Variants in EIF3E observed in about 807,000 individuals in gnomAD.
The protein encoded by EIF3E is eIF-3 p48.
In EIF3E, 25 loss-of-function variants were observed where a neutral mutation model predicts 59.3. The observed-to-expected ratio is 0.42, with a 90% CI of 0.31 to 0.59. EIF3E has a LOEUF of 0.59. EIF3E is among the 20% of genes least tolerant of loss of function. The probability of loss-of-function intolerance (pLI) is 0.15; values close to 1 mark genes in which losing one functional copy is unlikely to be tolerated. For synonymous variants in EIF3E, 176 were observed against 170.2 expected (o/e 1.03, Z -0.26); for missense variants, 317 against 534.3 (o/e 0.59, Z 4.01).
chr8:108,230,028 C>G (rs1188202070), intron 5 of EIF3E, among the ~76,000 whole-genome samples: 2 of 152,070 alleles, frequency 1.3e-5, no homozygotes, highest in Non-Finnish European at 2.9e-5. Flanking sequence ...AACAAAGCAG[C>G]AGAAGTAGGT....
intron 5 of EIF3E, chr8:108,232,047 C>T (rs1231205738): frequency 6.6e-6 from 1 of 151,968 alleles, no homozygotes; most frequent in East Asian, 1.9e-4. Flanking sequence ...AAAAAGGCCA[C>T]TGCAAAAAAT....
intron 1 of EIF3E, among the ~76,000 whole-genome samples, chr8:108,245,226 C>T (rs750275864): frequency 6.6e-6 from 1 of 151,594 alleles, no homozygotes; most frequent in African/African-American, 2.4e-5. Context: ...CAGCACTTTG[C>T]GAGGCCAAGG....
At chr8:108,243,763 T>C (rs540676635) in intron 1 of EIF3E, among the ~76,000 whole-genome samples, 25 of 152,268 alleles carry the variant, frequency 1.6e-4, no homozygotes, top group Middle Eastern at 3.4e-3. Context: ...TACATTTATA[T>C]TTGTGTACTT....
At chr8:108,240,874 GGA>G (rs375806317) in intron 2 of EIF3E, among the ~76,000 whole-genome samples, 1 of 152,056 alleles carries the variant, frequency 6.6e-6, no homozygotes, top group African/African-American at 2.4e-5. Context: ...CAGCTACTCG[GGA>G]GGCTGAGGCA....
chr8:108,204,744 TATAGAGAG>T (rs1390287036), intron 10 of EIF3E, among the ~76,000 whole-genome samples: 1 of 102,708 alleles, frequency 9.7e-6, no homozygotes. Flanking sequence ...TATATATATA[TATAGAGAG>T]AGAGAGAGAG....
At chr8:108,223,642 A>G (rs2129882835) in intron 7 of EIF3E, among the ~76,000 whole-genome samples, 1 of 152,322 alleles carries the variant, frequency 6.6e-6, no homozygotes, top group East Asian at 1.9e-4. Context: ...TTACAAATGG[A>G]TTCTTTTTCC....
chr8:108,218,543 AT>A (rs1218594789), intron 7 of EIF3E, among the ~76,000 whole-genome samples: 1 of 152,232 alleles, frequency 6.6e-6, no homozygotes, highest in East Asian at 1.9e-4. Context: ...GAGGTGAAGT[AT>A]AAAAAGAATA....
intron 1 of EIF3E, chr8:108,242,285 C>G (rs2129926160): frequency 1.5e-6 from 2 of 1,291,026 alleles, no homozygotes; most frequent in East Asian, 5.5e-5. Flanking sequence ...TGTCACTTCT[C>G]CACATCCAGG....
At chr8:108,243,417 CAGG>C (rs1285798188) in intron 1 of EIF3E, 6 of 151,988 alleles carry the variant, frequency 3.9e-5, no homozygotes, top group Admixed American at 6.6e-5. Flanking sequence ...ATCACGAGGT[CAGG>C]AGATCGAGAC....
At chr8:108,228,689 A>G (rs1222415063) in intron 6 of EIF3E, among the ~76,000 whole-genome samples, 1 of 152,338 alleles carries the variant, frequency 6.6e-6, no homozygotes, top group Non-Finnish European at 1.5e-5. Flanking sequence ...TTTAAAAGCA[A>G]GAATTAAACT....
Position 108,235,014 on chromosome 8 carries a change from T to C in EIF3E, c.455A>G (p.Tyr152Cys), listed in dbSNP as rs1439041161. The C allele has an allele frequency of 1.4e-6, 2 of 1,469,390 alleles. No homozygotes were observed. Among genetic ancestry groups the C allele is most frequent in the African/African-American group, 1.6e-5 (1 of 63,448 alleles). The allele number at this position is 1,469,390 out of a possible 1,614,324, so 91.0% of individuals were successfully genotyped here. Residue 152 changes from tyrosine to cysteine, a missense_variant, in exon 5 of 13, where the codon TAT becomes TGT. Around this residue, in one of 4 missense-constraint regions of EIF3E, gnomAD observed 242 missense variants for 398.0 expected, o/e 0.61. Transcript: ENST00000220849. Reference sequence around the variant, plus strand: ...TATACTTACCAGCACTCTAAAAAAATAAAGATATTCTGCTGCTCCTGAGTA... The same window carrying C: ...TATACTTACCAGCACTCTAAAAAAACAAAGATATTCTGCTGCTCCTGAGTA... Reference protein sequence around the residue: ...GNYSGAAEYLYFFRVLVPATD... With the variant: ...GNYSGAAEYLCFFRVLVPATD...
chr8:108,206,609 CACACACACTGGCATGGTCGCACAG>C (rs1173199576), intron 10 of EIF3E, among the ~76,000 whole-genome samples: 1 of 147,134 alleles, frequency 6.8e-6, no homozygotes, highest in African/African-American at 2.6e-5. Context: ...CACACACACA[CACACACACTGGCATGGTCGCACAG>C]ACACACACAC....
chr8:108,237,211 CAG>C (rs1339315078), intron 3 of EIF3E, among the ~76,000 whole-genome samples: 2 of 152,088 alleles, frequency 1.3e-5, no homozygotes, highest in Non-Finnish European at 2.9e-5. Context: ...CATCAAGGGA[CAG>C]GGGATATATG....
Position 108,203,116 on chromosome 8 carries a change from C to G in EIF3E, c.1166G>C (p.Gly389Ala), listed in dbSNP as rs1160223947. The G allele has an allele frequency of 1.2e-6, 2 of 1,608,932 alleles. No homozygotes were observed. The highest frequency in any genetic ancestry group is 1.7e-6 in the Non-Finnish European group (2 of 1,178,168). Residue 389 changes from glycine to alanine, a missense_variant and splice_region_variant, in exon 12 of 13, where the codon GGT becomes GCT. Transcript: ENST00000220849. Reference sequence around the variant, plus strand: ...TGCATTGTTACCCATAACCACATGACCCTAAAAGGAAACACAGGGAAATTG... The same window carrying G: ...TGCATTGTTACCCATAACCACATGAGCCTAAAAGGAAACACAGGGAAATTG... ...RLDAKIDSKL[G>A]HVVMGNNAVS...
At chr8:108,201,953 T>G (rs376095841) in intron 12 of EIF3E, 30 bp from the exon 13 acceptor site, 1 of 1,551,974 alleles carries the variant, frequency 6.4e-7, no homozygotes, top group African/African-American at 1.4e-5. Context: ...ATCAACACCG[T>G]GAAAAGAAAA....
rs544108027 is a variant in EIF3E, at chr8:108,248,712, G to A, written c.-10C>T. The A allele has an allele frequency of 2.9e-5, 47 of 1,613,968 alleles. 1 individual carries two copies. Among genetic ancestry groups the A allele is most frequent in the East Asian group, 6.7e-5 (3 of 44,888 alleles). ...AGTCGTACTCCGCCATCTTGCCAAA[G>A]AAAAGGGAGTCTGTGCTCACTAAAA... On this transcript the variant is annotated 5_prime_UTR_variant, in exon 1 of 13. Coordinates refer to ENST00000220849, the MANE Select transcript of EIF3E (RefSeq NM_001568.3).
chr8:108,212,658 TG>T (rs1815233924), intron 10 of EIF3E, among the ~76,000 whole-genome samples: 1 of 152,042 alleles, frequency 6.6e-6, no homozygotes, highest in Non-Finnish European at 1.5e-5. Flanking sequence ...AAAAATTAGC[TG>T]GGCGTGGTGG....
intron 9 of EIF3E, among the ~76,000 whole-genome samples, 174 bp from the exon 10 acceptor site, chr8:108,214,890 TACC>T (rs1212591546): frequency 2.3e-4 from 35 of 152,362 alleles, no homozygotes; most frequent in African/African-American, 7.2e-4. Flanking sequence ...AGTAAACGAA[TACC>T]ACAAGATAAA....
intron 7 of EIF3E, among the ~76,000 whole-genome samples, chr8:108,224,732 A>C (rs986079913): frequency 6.6e-6 from 1 of 151,532 alleles, no homozygotes; most frequent in Non-Finnish European, 1.5e-5. Flanking sequence ...GGGGCAATAA[A>C]AATGTTCTAA....
Sources: allele counts gnomAD v4.1 joint callset (sites outside exome capture counted in the v4.1 genomes callset), GRCh38; gene constraint gnomAD v4.1.1; regional missense constraint gnomAD v4.1.1; transcripts MANE v1.5; gene names NCBI Gene and HGNC (gene_info 2026-07-23, HGNC 2026-07-21).